LTBP1: variants seen among roughly 807,000 people sequenced by gnomAD.
The protein encoded by LTBP1 is latent transforming growth factor beta binding protein 1.
A neutral mutation model predicts 207.6 loss-of-function variants in LTBP1; 129 were observed. The ratio of observed to expected loss-of-function variants is 0.62; its 90% confidence interval spans 0.54 to 0.72. The LOEUF (loss-of-function observed/expected upper bound fraction) is 0.72, where lower values mean the gene tolerates loss of function less well. Ranked by LOEUF, LTBP1 falls within the 30% of genes least tolerant of loss-of-function variation. The probability of loss-of-function intolerance (pLI) is 0.00; values close to 1 mark genes in which losing one functional copy is unlikely to be tolerated. For synonymous variants in LTBP1, 963 were observed against 833.7 expected (o/e 1.16, Z -2.67); for missense variants, 2,281 against 2,217.2 (o/e 1.03, Z -0.58).
Position 33,398,709 on chromosome 2 carries a change from C to T in LTBP1, c.*164C>T. On this transcript the variant is annotated 3_prime_UTR_variant, in exon 34 of 34. Transcript: ENST00000404816. ...GACAATGAGAGGATTTAGGATGAGC[C>T]CGATAGGTGTGGCAGACCAAATGGA... is the stretch of plus-strand genomic sequence containing the variant. The T allele has an allele frequency of 1.7e-6, 1 of 593,146 alleles. No individual in the cohort carries two copies. Among genetic ancestry groups the T allele is most frequent in the Non-Finnish European group, 2.8e-6 (1 of 358,568 alleles). The allele number at this position is 593,146 out of a possible 1,614,324, so 36.7% of individuals were successfully genotyped here. A position where few individuals can be genotyped will look rare whatever the true frequency, so the allele number is the denominator to read the frequency against.
chr2:33,347,702 T>G (rs1362611619), intron 26 of LTBP1, among the ~76,000 whole-genome samples, 192 bp downstream of exon 26: 1 of 152,218 alleles, frequency 6.6e-6, no homozygotes, highest in African/African-American at 2.4e-5. Context: ...TGATGACTCT[T>G]TGGGCTAGAT....
At chr2:33,229,436 T>C (rs1414049229) in intron 9 of LTBP1, among the ~76,000 whole-genome samples, 1 of 152,134 alleles carries the variant, frequency 6.6e-6, no homozygotes, top group African/African-American at 2.4e-5. Flanking sequence ...ATCGTGCCAC[T>C]GCACTGAAGC....
intron 9 of LTBP1, among the ~76,000 whole-genome samples, chr2:33,233,234 G>C (rs776739449): frequency 2.0e-5 from 3 of 151,594 alleles, no homozygotes; most frequent in Non-Finnish European, 2.9e-5. Context: ...TCTCTTTTTC[G>C]CTGCATTTTG....
chr2:33,027,101 A>G (rs1444488109), intron 3 of LTBP1, among the ~76,000 whole-genome samples: 1 of 152,176 alleles, frequency 6.6e-6, no homozygotes, highest in Non-Finnish European at 1.5e-5. Flanking sequence ...GCTCATTTAT[A>G]TTATACCACC....
At chr2:33,311,544 A>G (rs1235634121) in intron 23 of LTBP1, among the ~76,000 whole-genome samples, 2 of 151,574 alleles carry the variant, frequency 1.3e-5, no homozygotes, top group Non-Finnish European at 2.9e-5. Flanking sequence ...GGAAAAAAAA[A>G]AAAAAAGGAA....
intron 7 of LTBP1, among the ~76,000 whole-genome samples, chr2:33,200,001 C>T (rs2089029212): frequency 6.6e-6 from 1 of 152,092 alleles, no homozygotes; most frequent in Non-Finnish European, 1.5e-5. Flanking sequence ...GAAGAACATT[C>T]CATGCTCATG....
At chr2:33,129,467 C>G (rs1395371816) in intron 4 of LTBP1, among the ~76,000 whole-genome samples, 1 of 152,192 alleles carries the variant, frequency 6.6e-6, no homozygotes, top group African/African-American at 2.4e-5. Context: ...ATATCTTACA[C>G]AGATTTTATC....
At chr2:33,203,505 C>G (rs2089549835) in intron 7 of LTBP1, among the ~76,000 whole-genome samples, 3 of 152,120 alleles carry the variant, frequency 2.0e-5, no homozygotes, top group African/African-American at 7.2e-5. Flanking sequence ...TGGTCTTTAC[C>G]CAGGTAGATG....
rs576217427 is a variant in LTBP1 at position 33,260,440 on chromosome 2, T to C, written c.2418+830T>C. 2.0e-5 allele frequency among the ~76,000 whole-genome samples: 3 copies of C among 152,324 alleles called. No individual in the cohort carries two copies. The South Asian group carries it at 6.2e-4, about 32-fold the overall frequency. On this transcript the variant is annotated intron_variant, in intron 13 of 33. Coordinates refer to ENST00000404816, the MANE Select transcript of LTBP1 (RefSeq NM_206943.4). Reference sequence around the variant, plus strand: ...GAAAATTAGGTAATTATTAAATATTTATACATTTATGTACCATTCTTTAAG... The same window carrying C: ...GAAAATTAGGTAATTATTAAATATTCATACATTTATGTACCATTCTTTAAG...
intron 2 of LTBP1, among the ~76,000 whole-genome samples, chr2:33,010,106 G>T (rs1336396816): frequency 6.6e-6 from 1 of 152,168 alleles, no homozygotes; most frequent in Non-Finnish European, 1.5e-5. Flanking sequence ...CAGCAGCCAT[G>T]GGGGGACATG....
intron 25 of LTBP1, among the ~76,000 whole-genome samples, chr2:33,346,513 G>A (rs1193932245): frequency 2.6e-5 from 4 of 151,732 alleles, no homozygotes; most frequent in Non-Finnish European, 4.4e-5. Flanking sequence ...GTGAAATCCT[G>A]TCTCTACTAA....
At chr2:33,344,493 CCTT>C (rs1235640486) in intron 25 of LTBP1, among the ~76,000 whole-genome samples, 2 of 152,172 alleles carry the variant, frequency 1.3e-5, no homozygotes, top group South Asian at 4.1e-4. Flanking sequence ...GTTGTTCACT[CCTT>C]CTGCTGGGAA....
At chr2:33,277,827 TTC>T (rs1573574832) in intron 18 of LTBP1, among the ~76,000 whole-genome samples, 1 of 80,874 alleles carries the variant, frequency 1.2e-5, no homozygotes, top group Non-Finnish European at 2.5e-5. Flanking sequence ...CTTTCTTTCT[TTC>T]TTTTTTTTTT....
chr2:33,227,173 A>G, intron 9 of LTBP1, among the ~76,000 whole-genome samples: 1 of 151,762 alleles, frequency 6.6e-6, no homozygotes, highest in East Asian at 1.9e-4. Flanking sequence ...GTAGCTGAGT[A>G]GCACCAACAC....
chr2:33,116,295 G>A (rs748155123), intron 4 of LTBP1, among the ~76,000 whole-genome samples: 3 of 152,136 alleles, frequency 2.0e-5, no homozygotes, highest in Non-Finnish European at 2.9e-5. Flanking sequence ...TCCAGTTGTC[G>A]TTCTCTCAAG....
chr2:33,261,090 T>C (rs950487666), intron 13 of LTBP1, among the ~76,000 whole-genome samples: 1 of 152,212 alleles, frequency 6.6e-6, no homozygotes, highest in Non-Finnish European at 1.5e-5. Context: ...CATGAAAGAC[T>C]TGGTCAGAAA....
chr2:33,297,373 C>T (rs958653492), intron 20 of LTBP1, among the ~76,000 whole-genome samples: 5 of 151,940 alleles, frequency 3.3e-5, no homozygotes, highest in African/African-American at 4.8e-5. Context: ...AGCTTCTACA[C>T]GTCAGAGCTA....
intron 4 of LTBP1, among the ~76,000 whole-genome samples, chr2:33,123,943 A>G (rs796552608): frequency 1.2e-4 from 18 of 152,326 alleles, no homozygotes; most frequent in African/African-American, 4.3e-4. Context: ...AAAAAGTACC[A>G]CTTTAGCTCT....
chr2:33,159,185 C>G (rs1223960361), intron 5 of LTBP1, among the ~76,000 whole-genome samples: 1 of 152,140 alleles, frequency 6.6e-6, no homozygotes, highest in Non-Finnish European at 1.5e-5. Flanking sequence ...CTTCCCTCTC[C>G]TAAGTGAGCA....
Sources: gnomAD v4.1 joint callset for allele counts (sites outside exome capture counted in the v4.1 genomes callset) on GRCh38, gnomAD v4.1.1 for gene constraint, MANE v1.5 for transcripts, NCBI Gene and HGNC (gene_info 2026-07-23, HGNC 2026-07-21) for gene names.